DGLUCY: variants seen among roughly 807,000 people sequenced by gnomAD.
DGLUCY encodes the protein D-glutamate cyclase.
In DGLUCY, 58 loss-of-function variants were observed where a neutral mutation model predicts 58.5. That is an observed-to-expected ratio of 0.99 (90% CI 0.80 to 1.23). DGLUCY has a LOEUF of 1.23. Among genes scored for constraint, DGLUCY ranks in the 50% most tolerant of loss-of-function variants. The pLI is 0.00. For synonymous variants in DGLUCY, 325 were observed against 314.1 expected (o/e 1.03, Z -0.37); for missense variants, 779 against 784.7 (o/e 0.99, Z 0.09).
chr14:91,171,211 C>T lies in DGLUCY; in HGVS notation c.456+1010C>T, dbSNP rs144760266. ...AGGTCTAAAGAGAGAAAAGGACTTGCCCAAGTCCCAAAGCCAGATGGGAAC... is the reference window on the plus strand; with the variant it reads ...AGGTCTAAAGAGAGAAAAGGACTTGTCCAAGTCCCAAAGCCAGATGGGAAC... On this transcript the variant is annotated intron_variant, in intron 5 of 13. Transcript: ENST00000256324. Among the ~76,000 whole-genome samples, 997 of 152,252 alleles carry T rather than the reference C, an allele frequency of 6.5e-3. 13 individuals are homozygous for T. The highest frequency in any genetic ancestry group is 0.023 in the African/African-American group (957 of 41,548).
intron 12 of DGLUCY, among the ~76,000 whole-genome samples, chr14:91,209,843 A>G (rs188176750): frequency 6.6e-6 from 1 of 152,350 alleles, no homozygotes; most frequent in African/African-American, 2.4e-5. Context: ...CAATAAAGAG[A>G]TAGAGAAAGA....
At chr14:91,116,941 T>TC (rs1555392700) in intron 1 of DGLUCY, among the ~76,000 whole-genome samples, 6 of 43,580 alleles carry the variant, frequency 1.4e-4, no homozygotes, top group South Asian at 1.0e-3. Context: ...AGAGTCTGTC[T>TC]CAAAAAAAAA....
rs574446887 is a variant in DGLUCY, at chr14:91,156,144, C to T, written c.-81-1495C>T. ...TTTTTTTTTTTTTGAGATGGAGTCT[C>T]GCTCTGTTGCCCAGACTGGAGTGCA... On this transcript the variant is annotated intron_variant, in intron 1 of 13. Transcript: ENST00000256324. Among the ~76,000 whole-genome samples the T allele has an allele frequency of 2.3e-4, 34 of 148,960 alleles. No homozygotes were observed. The South Asian group carries it at 3.8e-3, about 17-fold the overall frequency.
At chr14:91,118,171 C>T (rs2045114506) in intron 1 of DGLUCY, among the ~76,000 whole-genome samples, 2 of 148,896 alleles carry the variant, frequency 1.3e-5, no homozygotes, top group East Asian at 2.0e-4. Context: ...CCCTCCACCT[C>T]CTGGGTTCAA....
At chr14:91,128,377 C>T (rs111254140) in intron 1 of DGLUCY, among the ~76,000 whole-genome samples, 6,249 of 151,066 alleles carry the variant, frequency 0.041, 150 homozygotes, top group Middle Eastern at 0.07. Context: ...TGCCTGTAGT[C>T]TTAGCTATTG....
chr14:91,224,576 A>C, intron 13 of DGLUCY, 108 bp from the exon 14 acceptor site: 1 of 1,278,074 alleles, frequency 7.8e-7, no homozygotes, highest in Non-Finnish European at 1.0e-6. Context: ...CTTTTTTAAA[A>C]AGCAAGTATG....
intron 1 of DGLUCY, among the ~76,000 whole-genome samples, chr14:91,123,219 C>A (rs10136914): frequency 0.029 from 4,413 of 152,144 alleles, 233 homozygotes; most frequent in African/African-American, 0.1. Context: ...TGGGTGTTTC[C>A]AAAAATGTCA....
In DGLUCY at chr14:91,225,284, T is replaced by C. The variant is rs1405774857; in HGVS notation, c.*451T>C. 6.5e-6 allele frequency: 1 copy of C among 153,704 alleles called. No homozygotes were observed. Among genetic ancestry groups the C allele is most frequent in the African/African-American group, 2.4e-5 (1 of 41,530 alleles). The allele number at this position is 153,704 out of a possible 1,614,324, so 9.5% of individuals were successfully genotyped here. A position where few individuals can be genotyped will look rare whatever the true frequency, so the allele number is the denominator to read the frequency against. On this transcript the variant is annotated 3_prime_UTR_variant, in exon 14 of 14. Coordinates refer to ENST00000256324, the MANE Select transcript of DGLUCY (RefSeq NM_001102368.3). ...GGTTTCTGTTACTCATGGTTTCAGT[T>C]ACTCATAGCCAACTGCAGACCGAAA... is the stretch of plus-strand genomic sequence containing the variant.
chr14:91,181,510 T>C (rs556653787), intron 8 of DGLUCY, 121 bp downstream of exon 8: 2 of 988,686 alleles, frequency 2.0e-6, no homozygotes, highest in Admixed American at 2.5e-5. Context: ...GGATGATTTT[T>C]TAAATGTTGA....
At chr14:91,061,029 C>G (rs1276962060) in intron 1 of DGLUCY, 1 of 152,388 alleles carries the variant, frequency 6.6e-6, no homozygotes, top group Non-Finnish European at 1.5e-5. Flanking sequence ...AGGAGGCGCT[C>G]GGGGTCTCTG....
chr14:91,217,136 T>C (rs891585921), intron 13 of DGLUCY, among the ~76,000 whole-genome samples: 2 of 152,188 alleles, frequency 1.3e-5, no homozygotes, highest in African/African-American at 4.8e-5. Flanking sequence ...AATGCCTCAG[T>C]GCTTAACGGG....
intron 1 of DGLUCY, among the ~76,000 whole-genome samples, chr14:91,142,840 A>ACAC (rs2046785072): frequency 1.6e-5 from 2 of 124,226 alleles, no homozygotes; most frequent in African/African-American, 6.1e-5. Flanking sequence ...ATCTCTACTA[A>ACAC]ACACACACAC....
chr14:91,194,403 A>G (rs914543561), intron 9 of DGLUCY, among the ~76,000 whole-genome samples: 5 of 151,188 alleles, frequency 3.3e-5, no homozygotes, highest in Non-Finnish European at 5.9e-5. Context: ...CTGTCCCCCA[A>G]CCCCAAATTG....
At chr14:91,074,107 AT>A (rs1555388268) in intron 1 of DGLUCY, among the ~76,000 whole-genome samples, 133 of 77,274 alleles carry the variant, frequency 1.7e-3, no homozygotes, top group Admixed American at 3.5e-3. Context: ...AAAAAAAAAT[AT>A]ATATATATAT....
At chr14:91,203,653 A>G (rs1322781474) in intron 11 of DGLUCY, among the ~76,000 whole-genome samples, 1 of 147,040 alleles carries the variant, frequency 6.8e-6, no homozygotes, top group Non-Finnish European at 1.5e-5. Flanking sequence ...TACATGCTTC[A>G]GGGCTTGATA....
chr14:91,091,278 T>C (rs2044307155), intron 1 of DGLUCY: 1 of 152,182 alleles, frequency 6.6e-6, no homozygotes, highest in Non-Finnish European at 1.5e-5. Context: ...CTCAGCACTT[T>C]GGGAGGCCGA....
intron 1 of DGLUCY, among the ~76,000 whole-genome samples, chr14:91,078,876 T>TTTATTTA (rs2044075472): frequency 1.9e-4 from 26 of 136,754 alleles, no homozygotes; most frequent in African/African-American, 6.3e-4. Context: ...TATTTTTAAT[T>TTTATTTA]TTTATTTATT....
chr14:91,127,016 C>T (rs1422732914), intron 1 of DGLUCY, among the ~76,000 whole-genome samples: 3 of 150,064 alleles, frequency 2.0e-5, no homozygotes, highest in South Asian at 4.2e-4. Flanking sequence ...CAAAGCTGGC[C>T]GATGTACATT....
At chr14:91,200,925 A>G (rs1241338687) in intron 11 of DGLUCY, among the ~76,000 whole-genome samples, 1 of 135,962 alleles carries the variant, frequency 7.4e-6, no homozygotes, top group Admixed American at 7.9e-5. Context: ...TTTTGCGGGC[A>G]GGGGGTGGAT....
Sources: allele counts gnomAD v4.1 joint callset (sites outside exome capture counted in the v4.1 genomes callset), GRCh38; gene constraint gnomAD v4.1.1; transcripts MANE v1.5; gene names NCBI Gene and HGNC (gene_info 2026-07-23, HGNC 2026-07-21).